Variants in SLC2A14 observed in about 807,000 individuals in gnomAD.
SLC2A14 encodes the protein solute carrier family 2, facilitated glucose transporter member 14.
A neutral mutation model predicts 43.0 loss-of-function variants in SLC2A14; 13 were observed. The ratio of observed to expected loss-of-function variants is 0.30; its 90% CI spans 0.20 to 0.48. The LOEUF (loss-of-function observed/expected upper bound fraction) is 0.48, where lower values mean the gene tolerates loss of function less well. Among genes scored for constraint, SLC2A14 ranks in the 20% least tolerant of loss-of-function variants. The probability of loss-of-function intolerance (pLI) is 0.99; values close to 1 mark genes in which losing one functional copy is unlikely to be tolerated. For synonymous variants in SLC2A14, 190 were observed against 233.8 expected, an observed-to-expected ratio of 0.81 and a Z score of 1.71; for missense variants, 428 against 620.4, an observed-to-expected ratio of 0.69 and a Z score of 3.29.
At chr12:7,886,324 G>A (rs1945688821) in intron 1 of SLC2A14, among the ~76,000 whole-genome samples, 1 of 150,474 alleles carries the variant, frequency 6.6e-6, no homozygotes, top group Non-Finnish European at 1.5e-5. Context: ...ACCTCGCCCA[G>A]CTAATTAAAT....
At chr12:7,839,939 A>C (rs996358724) in intron 2 of SLC2A14, 1 of 387,286 alleles carries the variant, frequency 2.6e-6, no homozygotes, top group Middle Eastern at 9.0e-4. Flanking sequence ...AAAAAAAAAA[A>C]AAAAAAAAAA....
chr12:7,881,124 C>T (rs1945563093), intron 1 of SLC2A14, among the ~76,000 whole-genome samples: 1 of 152,142 alleles, frequency 6.6e-6, no homozygotes. Flanking sequence ...GCTGGCAGTC[C>T]TCACAGCCCT....
At chr12:7,849,096 C>T (rs1467756151) in intron 2 of SLC2A14, among the ~76,000 whole-genome samples, 1 of 151,976 alleles carries the variant, frequency 6.6e-6, no homozygotes, top group Non-Finnish European at 1.5e-5. Context: ...TCAGGGTAGT[C>T]AGCCCACCTC....
chr12:7,826,714 G>A (rs773983133), intron 7 of SLC2A14, among the ~76,000 whole-genome samples: 10 of 151,820 alleles, frequency 6.6e-5, no homozygotes, highest in African/African-American at 1.9e-4. Context: ...CTGTTTTGCC[G>A]CCCTCTTTAA....
chr12:7,872,770 G>C (rs753534459), intron 1 of SLC2A14, 37 bp downstream of exon 1: 1 of 985,082 alleles, frequency 1.0e-6, no homozygotes, highest in Admixed American at 6.2e-5. Context: ...CCTCATTCCC[G>C]CACCCCCCGG....
At chr12:7,842,150 C>T (rs1445015466) in intron 2 of SLC2A14, among the ~76,000 whole-genome samples, 4 of 152,136 alleles carry the variant, frequency 2.6e-5, no homozygotes, top group Admixed American at 6.6e-5. Context: ...CATTATGTAG[C>T]CTTTTCAGAT....
chr12:7,841,740 G>A (rs1865962420), intron 2 of SLC2A14, among the ~76,000 whole-genome samples: 1 of 152,070 alleles, frequency 6.6e-6, no homozygotes, highest in Non-Finnish European at 1.5e-5. Context: ...GGGTGCAGTG[G>A]CTAACGCCTG....
At chr12:7,846,959 A>G (rs1417826341) in intron 2 of SLC2A14, among the ~76,000 whole-genome samples, 2 of 151,364 alleles carry the variant, frequency 1.3e-5, no homozygotes, top group African/African-American at 4.8e-5. Flanking sequence ...TTAAAAGAAA[A>G]TATACCTGTG....
At chr12:7,830,836 G>T (rs1289238033) in intron 4 of SLC2A14, among the ~76,000 whole-genome samples, 6 of 152,070 alleles carry the variant, frequency 3.9e-5, no homozygotes, top group African/African-American at 1.4e-4. Context: ...AGAAGATTCA[G>T]TTTTCAGCCA....
chr12:7,855,703 C>CTTCAGCTCACTGCAACCTCGGT (rs1555140987), intron 2 of SLC2A14, among the ~76,000 whole-genome samples: 122 of 151,734 alleles, frequency 8.0e-4, no homozygotes, highest in Admixed American at 4.3e-3. Flanking sequence ...AGTTGCACGG[C>CTTCAGCTCACTGCAACCTCGGT]TTCAGCTCAC....
intron 1 of SLC2A14, among the ~76,000 whole-genome samples, chr12:7,878,976 CA>C (rs58838986): frequency 1.3e-4 from 9 of 69,330 alleles, no homozygotes; most frequent in African/African-American, 4.5e-4. Context: ...GAGTCCGTCT[CA>C]AAAAAAAAAA....
Position 7,821,240 on chromosome 12 carries a change from G to A in SLC2A14, c.950C>T (p.Thr317Ile). The A allele has an allele frequency of 1.9e-6, 3 of 1,613,908 alleles. No homozygotes were observed. The highest frequency in any genetic ancestry group is 2.5e-6 in the Non-Finnish European group (3 of 1,179,832). Residue 317 changes from threonine (T) to isoleucine (I), a missense_variant, in exon 8 of 11, where the codon ACT becomes ATT. Transcript: ENST00000431042. ...ACTTACAGAAAGTAAAGTGAAGATA[G>A]TATTAACCACACCCGCGCTGATGGT... ...YATISAGVVNTIFTLLSLFLV... is the reference protein window; with the variant it reads ...YATISAGVVNIIFTLLSLFLV...
chr12:7,862,391 G>A (rs1464088858), intron 2 of SLC2A14, among the ~76,000 whole-genome samples: 1 of 151,964 alleles, frequency 6.6e-6, no homozygotes, highest in Middle Eastern at 3.2e-3. Context: ...CGCTGCGCTC[G>A]ATTTCTCGCC....
chr12:7,891,141 C>T (rs950356996), exon 1 of SLC2A14: 57 of 1,530,964 alleles, frequency 3.7e-5, no homozygotes, highest in Admixed American at 3.1e-4. Context: ...GAACAAAAGT[C>T]AGGTTGTGTG....
intron 1 of SLC2A14, among the ~76,000 whole-genome samples, chr12:7,886,613 G>A (rs1183164161): frequency 6.6e-6 from 1 of 152,044 alleles, no homozygotes; most frequent in East Asian, 1.9e-4. Flanking sequence ...AAACTAAGTA[G>A]TTTCAGTAGT....
At chr12:7,874,840 CGT>C (rs1565584841), upstream of SLC2A14, among the ~76,000 whole-genome samples, 19 of 75,442 alleles carry the variant, frequency 2.5e-4, no homozygotes, top group South Asian at 1.8e-3. Flanking sequence ...TATATAAATA[CGT>C]ATTTATATAT....
chr12:7,857,934 G>A (rs1302223178), intron 2 of SLC2A14, among the ~76,000 whole-genome samples: 4 of 151,860 alleles, frequency 2.6e-5, no homozygotes, highest in Non-Finnish European at 5.9e-5. Flanking sequence ...GACCAACCTG[G>A]CCAACATGGT....
At chr12:7,863,496 G>T (rs1328843674) in intron 2 of SLC2A14, 1 of 437,544 alleles carries the variant, frequency 2.3e-6, no homozygotes, top group African/African-American at 2.0e-5. Flanking sequence ...GTGTGCTGGT[G>T]CATGCCTGTA....
intron 2 of SLC2A14, among the ~76,000 whole-genome samples, chr12:7,867,306 A>AAAAAAAAAAAAAAAAAAAC (rs1944979230): frequency 7.7e-6 from 1 of 129,886 alleles, no homozygotes; most frequent in Admixed American, 8.0e-5. Context: ...AAAAACAAAA[A>AAAAAAAAAAAAAAAAAAAC]AAACATTCGT....
Sources: allele counts gnomAD v4.1 joint callset (sites outside exome capture counted in the v4.1 genomes callset), GRCh38; gene constraint gnomAD v4.1.1; transcripts MANE v1.5; gene names NCBI Gene and HGNC (gene_info 2026-07-23, HGNC 2026-07-21).